The following C1QTNF7 variants were observed in gnomAD, a reference collection of about 807,000 sequenced individuals.
The protein encoded by C1QTNF7 is complement C1q tumor necrosis factor-related protein 7.
Under a neutral mutation model 19.6 loss-of-function variants are expected in C1QTNF7, and 15 were observed. The ratio of observed to expected loss-of-function variants is 0.76; its 90% CI spans 0.51 to 1.18. The LOEUF is 1.18. C1QTNF7 is among the 50% of genes most tolerant of loss of function. The probability of loss-of-function intolerance (pLI) is 0.00; values close to 1 mark genes in which losing one functional copy is unlikely to be tolerated. For synonymous variants in C1QTNF7, 142 were observed against 137.5 expected, an observed-to-expected ratio of 1.03 and a Z score of -0.23; for missense variants, 324 against 359.7, an observed-to-expected ratio of 0.90 and a Z score of 0.80.
At position 15,428,680 on chromosome 4, in the gene C1QTNF7, C is replaced by T. The variant is rs537200073; in HGVS notation, c.-9+574C>T. 5.3e-5 allele frequency among the ~76,000 whole-genome samples: 8 copies of T among 152,152 alleles called. No homozygotes were observed. In the South Asian group the frequency reaches 1.7e-3, roughly 32 times the overall value. ...TTCTGCAGAGGAAAATTGGAGCCCC[C>T]AAAAGCAAAGAACTGGTGAACAACA... On this transcript the variant is annotated intron_variant, in intron 1 of 2. Transcript: ENST00000444304.
intron 1 of C1QTNF7, among the ~76,000 whole-genome samples, chr4:15,419,409 T>C (rs1227154358): frequency 6.6e-6 from 1 of 152,178 alleles, no homozygotes; most frequent in Non-Finnish European, 1.5e-5. Flanking sequence ...CGTTTGGCCA[T>C]TAATGGCTCC....
chr4:15,445,136 C>T lies in C1QTNF7; in HGVS notation c.*2337C>T, dbSNP rs1347154033. 4 of 152,146 alleles carry T rather than the reference C, an allele frequency of 2.6e-5. No individual in the cohort carries two copies. Among genetic ancestry groups the T allele is most frequent in the Non-Finnish European group, 4.4e-5 (3 of 68,054 alleles). 9.4% of individuals were successfully genotyped at this position (152,146 alleles called of 1,614,324 possible). A position where few individuals can be genotyped will look rare whatever the true frequency, so the allele number is the denominator to read the frequency against. Reference sequence around the variant, plus strand: ...TGCACTTATTGCTCTCCTTCTGAGTCAGGACATGTGTACAGGAGACCAAGA... The same window carrying T: ...TGCACTTATTGCTCTCCTTCTGAGTTAGGACATGTGTACAGGAGACCAAGA... On this transcript the variant is annotated 3_prime_UTR_variant, in exon 3 of 3. Coordinates refer to ENST00000444304, the MANE Select transcript of C1QTNF7 (RefSeq NM_031911.5).
Position 15,443,677 on chromosome 4 carries a change from A to G in C1QTNF7, c.*878A>G, listed in dbSNP as rs750812751. ...TCAACAGCAAAGGGGTGAAAAATCT[A>G]GAGACAGAGGAGGCCTGGCAGGGGT... On this transcript the variant is annotated 3_prime_UTR_variant, in exon 3 of 3. Transcript: ENST00000444304. 1.3e-4 allele frequency: 20 copies of G among 152,230 alleles called. No homozygotes were observed. The highest frequency in any genetic ancestry group is 2.6e-4 in the Admixed American group (4 of 15,280). 9.4% of individuals were successfully genotyped at this position (152,230 alleles called of 1,614,324 possible).
intron 1 of C1QTNF7, among the ~76,000 whole-genome samples, chr4:15,342,394 T>C (rs1716577584): frequency 1.3e-5 from 2 of 152,150 alleles, no homozygotes; most frequent in South Asian, 4.1e-4. Flanking sequence ...AAAGAGACCA[T>C]GGTAATTCAA....
chr4:15,427,267 C>T (rs1404710104), upstream of C1QTNF7, among the ~76,000 whole-genome samples: 1 of 152,006 alleles, frequency 6.6e-6, no homozygotes, highest in East Asian at 1.9e-4. Flanking sequence ...TTTTTTCAGT[C>T]GTCTAATTTC....
chr4:15,361,667 C>T (rs1168498901), intron 1 of C1QTNF7, among the ~76,000 whole-genome samples: 2 of 152,094 alleles, frequency 1.3e-5, no homozygotes, highest in Non-Finnish European at 2.9e-5. Context: ...AGTCAGATTT[C>T]GTTAATATGG....
chr4:15,404,120 A>G (rs1400260876), intron 1 of C1QTNF7, among the ~76,000 whole-genome samples: 1 of 152,224 alleles, frequency 6.6e-6, no homozygotes, highest in Non-Finnish European at 1.5e-5. Context: ...CTTGACATTT[A>G]AATTGTTTCC....
At chr4:15,390,628 A>G (rs1718521819) in intron 1 of C1QTNF7, among the ~76,000 whole-genome samples, 1 of 152,220 alleles carries the variant, frequency 6.6e-6, no homozygotes, top group African/African-American at 2.4e-5. Context: ...AACAAACAAT[A>G]CTAAAAATAA....
At chr4:15,405,470 T>C (rs1719156485) in intron 1 of C1QTNF7, among the ~76,000 whole-genome samples, 1 of 152,178 alleles carries the variant, frequency 6.6e-6, no homozygotes, top group African/African-American at 2.4e-5. Context: ...GGTGGGCATA[T>C]ATTGCCACCC....
At chr4:15,349,331 T>C (rs1262534244) in intron 1 of C1QTNF7, among the ~76,000 whole-genome samples, 1 of 152,146 alleles carries the variant, frequency 6.6e-6, no homozygotes, top group African/African-American at 2.4e-5. Context: ...CTCTAAATTC[T>C]TTTTTTCTTT....
At chr4:15,346,999 T>C (rs895404489) in intron 1 of C1QTNF7, among the ~76,000 whole-genome samples, 6 of 152,328 alleles carry the variant, frequency 3.9e-5, no homozygotes, top group African/African-American at 7.2e-5. Context: ...TTGAACCACA[T>C]AAACTTTCTA....
intron 1 of C1QTNF7, among the ~76,000 whole-genome samples, chr4:15,342,309 C>T (rs1231712350): frequency 6.6e-6 from 1 of 152,132 alleles, no homozygotes; most frequent in East Asian, 1.9e-4. Flanking sequence ...GCTTAGTCCA[C>T]GTTTCGGGCC....
chr4:15,390,572 T>G (rs867780097), intron 1 of C1QTNF7, among the ~76,000 whole-genome samples: 1 of 152,116 alleles, frequency 6.6e-6, no homozygotes, highest in Non-Finnish European at 1.5e-5. Flanking sequence ...TTCAGAAAGA[T>G]CAGATCTTCA....
chr4:15,427,902 T>G, upstream of C1QTNF7: 1 of 365,634 alleles, frequency 2.7e-6, no homozygotes, highest in Non-Finnish European at 3.8e-6. Context: ...GAGTTGAGCC[T>G]CACTCGATGA....
chr4:15,418,938 C>A (rs1489876967), intron 1 of C1QTNF7, among the ~76,000 whole-genome samples: 2 of 152,124 alleles, frequency 1.3e-5, no homozygotes, highest in East Asian at 1.9e-4. Flanking sequence ...TGCCACCCAA[C>A]ACAAAAATGG....
intron 1 of C1QTNF7, among the ~76,000 whole-genome samples, chr4:15,433,902 C>T (rs1262743204): frequency 1.3e-5 from 2 of 152,198 alleles, no homozygotes; most frequent in East Asian, 3.8e-4. Context: ...CTCCTCTAAT[C>T]AGCCTTTCAC....
chr4:15,346,940 A>G (rs1435679901), intron 1 of C1QTNF7, among the ~76,000 whole-genome samples: 7 of 152,190 alleles, frequency 4.6e-5, no homozygotes, highest in Non-Finnish European at 5.9e-5. Flanking sequence ...CTTATGCAAC[A>G]GGGGTCTAAG....
intron 1 of C1QTNF7, among the ~76,000 whole-genome samples, chr4:15,388,331 G>T (rs1233247297): frequency 6.6e-6 from 1 of 152,172 alleles, no homozygotes; most frequent in African/African-American, 2.4e-5. Context: ...GAGAGCAGTC[G>T]ACATGCTTGT....
At chr4:15,353,502 A>G (rs1717007460) in intron 1 of C1QTNF7, among the ~76,000 whole-genome samples, 1 of 152,228 alleles carries the variant, frequency 6.6e-6, no homozygotes, top group African/African-American at 2.4e-5. Context: ...TACCTCAAAT[A>G]GAGCTTGTGT....
Sources: gnomAD v4.1 joint callset for allele counts (sites outside exome capture counted in the v4.1 genomes callset) on GRCh38, gnomAD v4.1.1 for gene constraint, MANE v1.5 for transcripts, NCBI Gene and HGNC (gene_info 2026-07-23, HGNC 2026-07-21) for gene names.